ACACA: variants seen among roughly 807,000 people sequenced by gnomAD.
ACACA encodes acetyl-CoA carboxylase alpha, also known as acetyl-CoA carboxylase 1.
In ACACA, 103 loss-of-function variants were observed where a neutral mutation model predicts 296.1. That is an observed-to-expected ratio of 0.35 (90% CI 0.30 to 0.41). The LOEUF (loss-of-function observed/expected upper bound fraction) is 0.41, where lower values mean the gene tolerates loss of function less well. Among genes scored for constraint, ACACA ranks in the 10% least tolerant of loss-of-function variants. The probability of loss-of-function intolerance (pLI) is 1.00; values close to 1 mark genes in which losing one functional copy is unlikely to be tolerated. For missense variants in ACACA, 1,554 were observed against 2,989.7 expected (o/e 0.52, Z 11.20); for synonymous variants, 953 against 1,038.6 (o/e 0.92, Z 1.58).
chr17:37,316,740 G>A (rs960024250), intron 3 of ACACA, among the ~76,000 whole-genome samples: 4 of 152,092 alleles, frequency 2.6e-5, no homozygotes, highest in Admixed American at 2.0e-4. Flanking sequence ...AGAGATATCT[G>A]CACTCCATAT....
At chr17:37,166,126 A>AT (rs1203206871) in intron 41 of ACACA, among the ~76,000 whole-genome samples, 1 of 150,942 alleles carries the variant, frequency 6.6e-6, no homozygotes, top group Non-Finnish European at 1.5e-5. Context: ...GAGTCTTTTT[A>AT]TTTTTTCAAT....
At chr17:37,106,796 T>C (rs578168473) in intron 52 of ACACA, among the ~76,000 whole-genome samples, 5 of 152,340 alleles carry the variant, frequency 3.3e-5, no homozygotes, top group African/African-American at 1.2e-4. Flanking sequence ...GACAGCTTTC[T>C]CTTGGGTTCC....
intron 24 of ACACA, among the ~76,000 whole-genome samples, chr17:37,235,884 A>G (rs1438598874): frequency 6.6e-6 from 1 of 152,196 alleles, no homozygotes. Flanking sequence ...TAGGAAAGCT[A>G]TGTTTTACAA....
chr17:37,120,985 G>T (rs556403447), intron 50 of ACACA, among the ~76,000 whole-genome samples: 1 of 152,210 alleles, frequency 6.6e-6, no homozygotes, highest in South Asian at 2.1e-4. Context: ...TTCAGTATCT[G>T]TCTTGGTCAC....
At chr17:37,311,897 A>G (rs903872902) in intron 3 of ACACA, among the ~76,000 whole-genome samples, 4 of 151,456 alleles carry the variant, frequency 2.6e-5, no homozygotes, top group African/African-American at 4.8e-5. Flanking sequence ...GAAGAAGAAG[A>G]AGGAGAAGAG....
chr17:37,118,024 T>C (rs1193869986), intron 50 of ACACA, among the ~76,000 whole-genome samples: 1 of 152,180 alleles, frequency 6.6e-6, no homozygotes, highest in East Asian at 1.9e-4. Context: ...ATGTGAAGAA[T>C]GACAAGAGGC....
At chr17:37,301,173 G>A (rs1271353672) in intron 3 of ACACA, among the ~76,000 whole-genome samples, 2 of 152,082 alleles carry the variant, frequency 1.3e-5, no homozygotes, top group African/African-American at 2.4e-5. Flanking sequence ...TTCACCAAAC[G>A]GATCTTTCTA....
At position 37,390,244 on chromosome 17, in the gene ACACA, ATATATATAT is replaced by A. The variant is rs1216474563; in HGVS notation, c.38+16009_38+16017del. ...TATATATAATTATATATAATATATT[ATATATATAT>A]TATATATAATTATATATAATATATT... On this transcript the variant is annotated intron_variant, in intron 1 of 55. Coordinates refer to ENST00000616317, the MANE Select transcript of ACACA (RefSeq NM_198834.3). 7.2e-3 allele frequency among the ~76,000 whole-genome samples: 350 copies of A among 48,506 alleles called. 14 individuals carry two copies. Among genetic ancestry groups the A allele is most frequent in the African/African-American group, 0.033 (243 of 7,364 alleles). The allele number at this position is 48,506 out of a possible 152,430, so 31.8% of individuals were successfully genotyped here.
In ACACA at chr17:37,275,437, A is replaced by C. The variant is rs187423726; in HGVS notation, c.901+514T>G. Among the ~76,000 whole-genome samples the C allele has an allele frequency of 1.1e-4, 16 of 145,242 alleles. No individual in the cohort carries two copies. In the East Asian group the frequency reaches 3.1e-3, roughly 28 times the overall value. ...CTTGAACCCGGAAGGTGGAGGATGC[A>C]GTAAGCCAAGATCATGCCACTGCAC... On this transcript the variant is annotated intron_variant, in intron 8 of 55. Coordinates refer to ENST00000616317, the MANE Select transcript of ACACA (RefSeq NM_198834.3).
chr17:37,372,475 G>T (rs2049845893), intron 1 of ACACA, among the ~76,000 whole-genome samples: 1 of 151,836 alleles, frequency 6.6e-6, no homozygotes, highest in South Asian at 2.1e-4. Context: ...GCTAGAAGAG[G>T]CCTTGTAAGC....
chr17:37,215,540 G>A (rs1567826287), intron 29 of ACACA, among the ~76,000 whole-genome samples: 3 of 152,142 alleles, frequency 2.0e-5, no homozygotes, highest in Non-Finnish European at 4.4e-5. Context: ...ACATATGTTT[G>A]TATAAATATA....
chr17:37,149,079 T>C (rs1364945136), intron 45 of ACACA, among the ~76,000 whole-genome samples: 4 of 152,228 alleles, frequency 2.6e-5, no homozygotes, highest in East Asian at 3.8e-4. Context: ...CTGTCCTTTA[T>C]ACATTCAGGT....
Position 37,302,430 on chromosome 17 carries a change from G to A in ACACA, c.339-17460C>T, listed in dbSNP as rs139261050. On this transcript the variant is annotated intron_variant, in intron 3 of 55. Coordinates refer to ENST00000616317, the MANE Select transcript of ACACA (RefSeq NM_198834.3). ...TAACCATGTTGGCCAGACTGGTCTC[G>A]AACTCCTGACCTCAGGTGATCCACC... is the stretch of plus-strand genomic sequence containing the variant. Among the ~76,000 whole-genome samples the A allele has an allele frequency of 8.3e-3, 1,266 of 152,056 alleles. 12 individuals carry two copies. The highest frequency in any genetic ancestry group is 0.029 in the African/African-American group (1,210 of 41,484).
Position 37,240,488 on chromosome 17 carries a change from G to T in ACACA, c.3109C>A (p.Gln1037Lys), listed in dbSNP as rs751622327. The T allele has an allele frequency of 1.5e-5, 25 of 1,613,584 alleles. No homozygotes were observed. The highest frequency in any genetic ancestry group is 2.1e-5 in the Non-Finnish European group (25 of 1,179,962). Residue 1037 changes from glutamine (Q) to lysine (K), a missense_variant, in exon 24 of 56, where the codon CAA (glutamine) becomes AAA (lysine). Transcript: ENST00000616317. ...GGAAGAGGCTTACCATTCTGGAATT[G>T]TGTCTCTACTCGCAGGTACTGCCGG... is the stretch of plus-strand genomic sequence containing the variant. The part of the protein sequence containing the change: ...LLRQYLRVET[Q>K]FQNGHYDKCV...
chr17:37,143,887 G>C, intron 45 of ACACA: 1 of 1,540,820 alleles, frequency 6.5e-7, no homozygotes, highest in East Asian at 2.2e-5. Context: ...GTCATCTGCA[G>C]CAGTGTTATT....
intron 45 of ACACA, among the ~76,000 whole-genome samples, chr17:37,133,926 A>G (rs1398349078): frequency 1.3e-5 from 2 of 152,184 alleles, no homozygotes; most frequent in African/African-American, 4.8e-5. Flanking sequence ...TGCCATGCTG[A>G]CAGAATTGAA....
At chr17:37,188,579 AAG>A in intron 38 of ACACA, 99 bp from the exon 39 acceptor site, 1 of 1,344,640 alleles carries the variant, frequency 7.4e-7, no homozygotes, top group Non-Finnish European at 1.1e-6. Flanking sequence ...TAAAAAAAAA[AAG>A]AGGTTGGTTT....
chr17:37,155,613 A>G, intron 43 of ACACA, 70 bp downstream of exon 43: 2 of 1,052,076 alleles, frequency 1.9e-6, no homozygotes, highest in Non-Finnish European at 3.0e-6. Context: ...CAGCTGTACA[A>G]TATGGAAAAA....
chr17:37,248,938 C>T (rs2080847882), intron 16 of ACACA, among the ~76,000 whole-genome samples: 1 of 152,058 alleles, frequency 6.6e-6, no homozygotes, highest in Admixed American at 6.5e-5. Context: ...GGGATATTAA[C>T]ACTATTCTGC....
Sources: gnomAD v4.1 joint callset for allele counts (sites outside exome capture counted in the v4.1 genomes callset) on GRCh38, gnomAD v4.1.1 for gene constraint, MANE v1.5 for transcripts, NCBI Gene and HGNC (gene_info 2026-07-23, HGNC 2026-07-21) for gene names.